Variants in ITCH observed in about 807,000 individuals in gnomAD.
The protein encoded by ITCH is E3 ubiquitin-protein ligase Itchy homolog.
ITCH carries 28 observed loss-of-function variants against 126.8 expected under a neutral mutation model. The observed-to-expected ratio is 0.22, with a 90% CI of 0.16 to 0.30. ITCH has a LOEUF of 0.30. Ranked by LOEUF, ITCH falls within the 10% of genes least tolerant of loss-of-function variation. The pLI is 1.00. For missense variants in ITCH, 631 were observed against 1,032.4 expected, an observed-to-expected ratio of 0.61 and a Z score of 5.33; for synonymous variants, 342 against 340.0, an observed-to-expected ratio of 1.01 and a Z score of -0.06.
intron 17 of ITCH, among the ~76,000 whole-genome samples, chr20:34,478,707 G>A (rs939135775): frequency 2.0e-5 from 3 of 152,072 alleles, no homozygotes; most frequent in Non-Finnish European, 4.4e-5. Context: ...ACGCTAATTG[G>A]TGGCTACATT....
rs1298059557 is a variant in ITCH at position 34,396,608 on chromosome 20, A to G, written c.70+2727A>G. The stretch of plus-strand genomic sequence containing the variant: ...ACTGCAATCTCTAACTTCTAGGCTG[A>G]AGTGATCGTGCCACCTCAGCCTTCT... On this transcript the variant is annotated intron_variant, in intron 3 of 24. Coordinates refer to ENST00000374864, the MANE Select transcript of ITCH (RefSeq NM_031483.7). 2.6e-5 allele frequency among the ~76,000 whole-genome samples: 4 copies of G among 151,900 alleles called. No individual in the cohort carries two copies. The East Asian group carries it at 7.8e-4, about 30-fold the overall frequency.
At chr20:34,397,958 G>T in intron 3 of ITCH, among the ~76,000 whole-genome samples, 1 of 149,578 alleles carries the variant, frequency 6.7e-6, no homozygotes. Context: ...TTTTTTCTTT[G>T]CATAAAGTGT....
chr20:34,497,117 C>T (rs1448597327), intron 23 of ITCH, among the ~76,000 whole-genome samples: 2 of 151,948 alleles, frequency 1.3e-5, no homozygotes, highest in Non-Finnish European at 2.9e-5. Context: ...TTGCCTTAGC[C>T]TCCTGAGTAG....
intron 20 of ITCH, among the ~76,000 whole-genome samples, chr20:34,486,638 A>G (rs1320597304): frequency 6.7e-6 from 1 of 149,754 alleles, no homozygotes; most frequent in East Asian, 2.0e-4. Context: ...AAATTTTGGA[A>G]TGTTGTGTTT....
intron 14 of ITCH, among the ~76,000 whole-genome samples, chr20:34,466,987 A>T (rs911049634): frequency 1.4e-4 from 21 of 152,226 alleles, no homozygotes; most frequent in African/African-American, 5.1e-4. Flanking sequence ...CAAAGCTAGA[A>T]GATAAATTTT....
At chr20:34,444,851 A>G (rs1368827225) in intron 10 of ITCH, among the ~76,000 whole-genome samples, 1 of 152,214 alleles carries the variant, frequency 6.6e-6, no homozygotes, top group Non-Finnish European at 1.5e-5. Context: ...CCTGGTGGCC[A>G]GGCTGGTCTT....
rs144358539 is a variant in ITCH, at chr20:34,405,034, G to A, written c.71-3617G>A. Among the ~76,000 whole-genome samples the A allele has an allele frequency of 1.7e-4, 26 of 151,442 alleles. No homozygotes were observed. In the East Asian group the frequency reaches 5.1e-3, roughly 30 times the overall value. ...CGCACCTGTAGTCCCAGCCACTTGGGAGGCTGAGATGGGAGGATGGCTTGA... is the reference window on the plus strand; with the variant it reads ...CGCACCTGTAGTCCCAGCCACTTGGAAGGCTGAGATGGGAGGATGGCTTGA... On this transcript the variant is annotated intron_variant, in intron 3 of 24. Transcript: ENST00000374864.
chr20:34,444,118 A>G (rs1315021302), intron 10 of ITCH, among the ~76,000 whole-genome samples: 2 of 152,240 alleles, frequency 1.3e-5, no homozygotes, highest in Admixed American at 6.5e-5. Flanking sequence ...TTTATTATTT[A>G]TATAACATCA....
chr20:34,489,874 C>T lies in ITCH; in HGVS notation c.2267C>T (p.Ala756Val), dbSNP rs760812822. 3.7e-6 allele frequency: 6 copies of T among 1,613,810 alleles called. No individual in the cohort carries two copies. The highest frequency in any genetic ancestry group is 1.7e-4 in the Middle Eastern group (1 of 6,052). ...GATTTGAATGACTGGCAAAGACATG[C>T]CATCTACCGTCATTATGCAAGGACC... ...EIDLNDWQRH[A>V]IYRHYARTSK... The change falls in exon 22 of 25, where the codon GCC becomes GTC. Residue 756 changes from alanine (A) to valine (V), a missense_variant. By Grantham distance (64) the Ala-to-Val change is moderately conservative. This residue lies in a region of ITCH where 390 missense variants were observed against 731.6 expected (regional missense o/e 0.53). Transcript: ENST00000374864.
At chr20:34,422,636 T>G (rs1380360460) in intron 6 of ITCH, among the ~76,000 whole-genome samples, 1 of 152,154 alleles carries the variant, frequency 6.6e-6, no homozygotes, top group Non-Finnish European at 1.5e-5. Context: ...ATTTACCCAT[T>G]TCAAGTGTAC....
intron 6 of ITCH, among the ~76,000 whole-genome samples, chr20:34,414,323 T>G (rs1026224448): frequency 3.9e-5 from 6 of 152,132 alleles, no homozygotes; most frequent in Admixed American, 2.0e-4. Context: ...TGAGTTGATT[T>G]ATATAGTATT....
Position 34,509,650 on chromosome 20 carries a change from TC to T in ITCH, c.*1857del, listed in dbSNP as rs982963197. The stretch of plus-strand genomic sequence containing the variant: ...GTACCCCAGGAAATACTGTGTGGTT[TC>T]TAAAAGCCCTGGTTGTTAAAAGTAG... On this transcript the variant is annotated 3_prime_UTR_variant, in exon 25 of 25. Coordinates refer to ENST00000374864, the MANE Select transcript of ITCH (RefSeq NM_031483.7). 2.6e-5 allele frequency: 4 copies of T among 152,626 alleles called. No homozygotes were observed. Among genetic ancestry groups the T allele is most frequent in the Non-Finnish European group, 5.9e-5 (4 of 68,034 alleles). The allele number at this position is 152,626 out of a possible 1,614,324, so 9.5% of individuals were successfully genotyped here.
intron 23 of ITCH, 89 bp from the exon 24 acceptor site, chr20:34,504,242 C>A: frequency 1.1e-6 from 1 of 951,212 alleles, no homozygotes; most frequent in Admixed American, 1.7e-5. Context: ...CTAACAAGTT[C>A]CCTCATGATG....
rs1408527602 is a variant in ITCH, at chr20:34,482,035, CA to C, written c.2093+830del. Among the ~76,000 whole-genome samples, 7 of 152,256 alleles carry C rather than the reference CA, an allele frequency of 4.6e-5. No individual in the cohort carries two copies. The East Asian group carries it at 1.3e-3, about 29-fold the overall frequency. On this transcript the variant is annotated intron_variant, in intron 20 of 24. Coordinates refer to ENST00000374864, the MANE Select transcript of ITCH (RefSeq NM_031483.7). ...AAAACAAACAAACGAATGAACAAAA[CA>C]CTTCATCATATCTTGTGAGACATAT... is the stretch of plus-strand genomic sequence containing the variant.
At chr20:34,470,149 G>T in intron 15 of ITCH, 29 bp downstream of exon 15, 1 of 1,547,848 alleles carries the variant, frequency 6.5e-7, no homozygotes, top group Non-Finnish European at 8.9e-7. Context: ...TCTCTGTACT[G>T]CCTTAACTTT....
chr20:34,377,916 A>G (rs1304339768), intron 2 of ITCH, among the ~76,000 whole-genome samples: 1 of 152,106 alleles, frequency 6.6e-6, no homozygotes, highest in Non-Finnish European at 1.5e-5. Context: ...AGAAACCAAT[A>G]AATGTAGAAA....
chr20:34,489,679 T>G, intron 21 of ITCH, 143 bp from the exon 22 acceptor site: 1 of 721,882 alleles, frequency 1.4e-6, no homozygotes, highest in Middle Eastern at 3.7e-4. Flanking sequence ...ATGAGCAATG[T>G]AGATATAATT....
At chr20:34,452,544 G>C (rs1440589388) in intron 12 of ITCH, among the ~76,000 whole-genome samples, 3 of 152,174 alleles carry the variant, frequency 2.0e-5, no homozygotes, top group African/African-American at 7.2e-5. Flanking sequence ...TAGTATATCA[G>C]ATGAAGCAAC....
intron 10 of ITCH, among the ~76,000 whole-genome samples, chr20:34,444,210 C>T (rs974156283): frequency 6.6e-6 from 1 of 152,146 alleles, no homozygotes; most frequent in African/African-American, 2.4e-5. Context: ...TGTTCATAAT[C>T]AACACAATCA....
Sources: gnomAD v4.1 joint callset for allele counts (sites outside exome capture counted in the v4.1 genomes callset) on GRCh38, gnomAD v4.1.1 for gene constraint, gnomAD v4.1.1 regional missense constraint, MANE v1.5 for transcripts, NCBI Gene and HGNC (gene_info 2026-07-23, HGNC 2026-07-21) for gene names.